Variants in CD9 observed in about 807,000 individuals in gnomAD.
CD9 encodes CD9 molecule, also known as CD9 antigen.
A neutral mutation model predicts 31.4 loss-of-function variants in CD9; 10 were observed. That is an observed-to-expected ratio of 0.32 (90% CI 0.20 to 0.54). CD9 has a LOEUF of 0.54. CD9 is among the 20% of genes least tolerant of loss of function. CD9 has a pLI of 0.94. For missense variants in CD9, 259 were observed against 300.1 expected (o/e 0.86, Z 1.01); for synonymous variants, 113 against 114.1 (o/e 0.99, Z 0.06).
At chr12:6,203,875 G>A (rs1362915083) in intron 1 of CD9, among the ~76,000 whole-genome samples, 2 of 152,144 alleles carry the variant, frequency 1.3e-5, no homozygotes, top group South Asian at 4.1e-4. Context: ...GCAAAAGAGG[G>A]AAAGGTTTGG....
At position 6,237,917 on chromosome 12, in the gene CD9, T is replaced by C; in HGVS notation, c.*89T>C. 2 of 1,054,556 alleles carry C rather than the reference T, an allele frequency of 1.9e-6. No homozygotes were observed. Among genetic ancestry groups the C allele is most frequent in the Admixed American group, 2.0e-5 (1 of 50,384 alleles). The allele number at this position is 1,054,556 out of a possible 1,614,324, so 65.3% of individuals were successfully genotyped here. On this transcript the variant is annotated 3_prime_UTR_variant, in exon 8 of 8. Transcript: ENST00000009180. ...TTGTTTTGTTTTGTTTGTTGTTTGT[T>C]GTTTGTTTTTTTGCCACTAATTTTA...
Position 6,213,028 on chromosome 12 carries a change from C to G in CD9, c.67-12398C>G, listed in dbSNP as rs971772848. On this transcript the variant is annotated intron_variant, in intron 1 of 7. Transcript: ENST00000009180. ...CAGCAAATTAGTCACTCTCCTTAAG[C>G]CTTACTTTCCTTATCTGTGTAATGA... Among the ~76,000 whole-genome samples, 10 of 152,250 alleles carry G rather than the reference C, an allele frequency of 6.6e-5. No individual in the cohort carries two copies. In the South Asian group the frequency reaches 1.5e-3, roughly 22 times the overall value.
At chr12:6,211,002 AT>A (rs1409149575) in intron 1 of CD9, among the ~76,000 whole-genome samples, 1 of 151,602 alleles carries the variant, frequency 6.6e-6, no homozygotes, top group African/African-American at 2.4e-5. Flanking sequence ...ATGCCTGGCT[AT>A]TTTTTTATAT....
At chr12:6,224,181 G>A (rs1009341969) in intron 1 of CD9, among the ~76,000 whole-genome samples, 1 of 152,150 alleles carries the variant, frequency 6.6e-6, no homozygotes, top group African/African-American at 2.4e-5. Context: ...CTCTTCAGAT[G>A]CACTTCTGAT....
intron 6 of CD9, 82 bp from the exon 7 acceptor site, chr12:6,236,110 G>T: frequency 6.3e-7 from 1 of 1,581,610 alleles, no homozygotes; most frequent in South Asian, 1.2e-5. Context: ...GTTCTCCCGG[G>T]TGAGACGGGG....
chr12:6,236,700 G>A (rs140946733), intron 7 of CD9: 69 of 392,696 alleles, frequency 1.8e-4, no homozygotes, highest in Middle Eastern at 1.3e-3. Context: ...GAGGTCTCTC[G>A]CTAATCAGCC....
chr12:6,237,387 GAAA>G (rs768020275), intron 7 of CD9, among the ~76,000 whole-genome samples: 2 of 146,246 alleles, frequency 1.4e-5, no homozygotes, highest in South Asian at 2.2e-4. Context: ...CATCTCAAAA[GAAA>G]AAAAAAAGAG....
At chr12:6,227,013 C>T (rs111296646) in intron 2 of CD9, among the ~76,000 whole-genome samples, 6 of 152,216 alleles carry the variant, frequency 3.9e-5, no homozygotes, top group South Asian at 2.1e-4. Context: ...CTGTGGCCGG[C>T]GCGTGTGTCT....
intron 1 of CD9, among the ~76,000 whole-genome samples, chr12:6,202,007 A>C (rs1946083476): frequency 6.6e-6 from 1 of 152,206 alleles, no homozygotes; most frequent in Non-Finnish European, 1.5e-5. Context: ...CACTGCACTT[A>C]GCCTGGGTGA....
chr12:6,237,156 G>A (rs563395956), intron 7 of CD9, among the ~76,000 whole-genome samples: 28 of 152,010 alleles, frequency 1.8e-4, no homozygotes, highest in South Asian at 2.1e-4. Flanking sequence ...ATTATTTTTA[G>A]TAGAGATGGG....
At chr12:6,205,509 C>T (rs985933463) in intron 1 of CD9, among the ~76,000 whole-genome samples, 2 of 152,176 alleles carry the variant, frequency 1.3e-5, no homozygotes, top group African/African-American at 2.4e-5. Flanking sequence ...GAGCCCTCTG[C>T]GGCTGCTGGG....
chr12:6,214,008 C>T (rs953661792), intron 1 of CD9, among the ~76,000 whole-genome samples: 1 of 152,218 alleles, frequency 6.6e-6, no homozygotes, highest in Admixed American at 6.5e-5. Flanking sequence ...AAGAAAATTT[C>T]TCAGGGATTC....
At chr12:6,205,432 C>G (rs761431493) in intron 1 of CD9, among the ~76,000 whole-genome samples, 5 of 152,198 alleles carry the variant, frequency 3.3e-5, no homozygotes, top group Admixed American at 1.3e-4. Flanking sequence ...CTGCTGGCTC[C>G]AGCCCGAATT....
At chr12:6,237,124 C>T (rs1320962614) in intron 7 of CD9, among the ~76,000 whole-genome samples, 1 of 152,068 alleles carries the variant, frequency 6.6e-6, no homozygotes, top group African/African-American at 2.4e-5. Flanking sequence ...GGACTACAGG[C>T]GTGTGCCACC....
chr12:6,203,339 A>G (rs947378983), intron 1 of CD9, among the ~76,000 whole-genome samples: 6 of 152,220 alleles, frequency 3.9e-5, no homozygotes, highest in Admixed American at 6.5e-5. Flanking sequence ...TTGGGTGATT[A>G]TGTTGTCACC....
At chr12:6,219,528 C>T (rs183951028) in intron 1 of CD9, among the ~76,000 whole-genome samples, 1 of 152,020 alleles carries the variant, frequency 6.6e-6, no homozygotes, top group East Asian at 1.9e-4. Context: ...CTCTGTCGCC[C>T]AGGCTGGAGT....
chr12:6,201,547 C>G (rs893567798), intron 1 of CD9, among the ~76,000 whole-genome samples: 1 of 152,248 alleles, frequency 6.6e-6, no homozygotes, highest in Non-Finnish European at 1.5e-5. Flanking sequence ...CTGCAGGCCA[C>G]TCAGCCTCTA....
rs1591979441 is a variant in CD9, at chr12:6,232,153, T to G, written c.176-479T>G. On this transcript the variant is annotated intron_variant, in intron 2 of 7. Transcript: ENST00000009180. This position sits in a 1 kb window ranked among gnomAD's most constrained non-coding sequence, Gnocchi z 4.8. ...TTCCCCCCACCCCTGGGTAGGGGGG[T>G]GCCTAGGTGTGCACGGCCCCTTCCT... 1.7e-5 allele frequency: 3 copies of G among 172,368 alleles called. No homozygotes were observed. Among genetic ancestry groups the G allele is most frequent in the Non-Finnish European group, 3.8e-5 (3 of 79,220 alleles). The allele number at this position is 172,368 out of a possible 1,614,324, so 10.7% of individuals were successfully genotyped here.
chr12:6,204,415 A>G (rs1261688045), intron 1 of CD9, among the ~76,000 whole-genome samples: 1 of 152,188 alleles, frequency 6.6e-6, no homozygotes, highest in African/African-American at 2.4e-5. Flanking sequence ...CAAGCCCTGA[A>G]TTGGAAATGG....
Sources: allele counts gnomAD v4.1 joint callset (sites outside exome capture counted in the v4.1 genomes callset), GRCh38; gene constraint gnomAD v4.1.1; non-coding constraint Gnocchi (gnomAD v3.1); transcripts MANE v1.5; gene names NCBI Gene and HGNC (gene_info 2026-07-23, HGNC 2026-07-21).